GPR149: variants seen among roughly 807,000 people sequenced by gnomAD.
GPR149 encodes probable G protein-coupled receptor 149.
Under a neutral mutation model 50.2 loss-of-function variants are expected in GPR149, and 50 were observed. The ratio of observed to expected loss-of-function variants is 1.00; its 90% CI spans 0.79 to 1.26. The LOEUF is 1.26. GPR149 is among the 50% of genes most tolerant of loss of function. GPR149 has a pLI of 0.00. For synonymous variants in GPR149, 405 were observed against 358.2 expected (o/e 1.13, Z -1.48); for missense variants, 983 against 895.4 (o/e 1.10, Z -1.25).
intron 3 of GPR149, among the ~76,000 whole-genome samples, chr3:154,357,123 A>G (rs1714253900): frequency 6.6e-6 from 1 of 152,238 alleles, no homozygotes; most frequent in South Asian, 2.1e-4. Flanking sequence ...AAAACTGGCT[A>G]GCCCTATGTA....
intron 1 of GPR149, 102 bp downstream of exon 1, chr3:154,428,531 CTG>C (rs2108433409): frequency 7.9e-7 from 1 of 1,271,132 alleles, no homozygotes; most frequent in South Asian, 1.4e-5. Flanking sequence ...GCGGACTTCA[CTG>C]TGTGTCTCTT....
intron 3 of GPR149, among the ~76,000 whole-genome samples, chr3:154,384,216 G>A (rs1053137387): frequency 5.9e-5 from 9 of 152,000 alleles, no homozygotes; most frequent in African/African-American, 1.9e-4. Flanking sequence ...TAAAGCCTCG[G>A]GTGAGATCTT....
At chr3:154,376,839 A>G (rs1003338744) in intron 3 of GPR149, among the ~76,000 whole-genome samples, 1 of 152,204 alleles carries the variant, frequency 6.6e-6, no homozygotes. Flanking sequence ...TTACCATTTT[A>G]CAGATGGATG....
chr3:154,371,875 T>A (rs1358091310), intron 3 of GPR149, among the ~76,000 whole-genome samples: 5 of 152,200 alleles, frequency 3.3e-5, no homozygotes, highest in Non-Finnish European at 7.4e-5. Context: ...CTTGCATTTT[T>A]AACCTCCTTG....
At chr3:154,407,573 T>G (rs1373741498) in intron 3 of GPR149, among the ~76,000 whole-genome samples, 1 of 152,020 alleles carries the variant, frequency 6.6e-6, no homozygotes. Flanking sequence ...TGATTGGAAT[T>G]GGAGGTATCA....
chr3:154,396,736 T>A (rs1327015020), intron 3 of GPR149, among the ~76,000 whole-genome samples: 1 of 151,964 alleles, frequency 6.6e-6, no homozygotes, highest in Non-Finnish European at 1.5e-5. Flanking sequence ...TAGGTGCGAG[T>A]TCCTATTGCT....
At chr3:154,375,007 G>C (rs1282743738) in intron 3 of GPR149, among the ~76,000 whole-genome samples, 2 of 152,188 alleles carry the variant, frequency 1.3e-5, no homozygotes, top group Admixed American at 1.3e-4. Flanking sequence ...GCAGAGGTTT[G>C]TTCCTGAAAA....
chr3:154,337,843 A>G lies in GPR149; in HGVS notation c.2052T>C (p.Asp684=). The G allele has an allele frequency of 6.2e-7, 1 of 1,614,096 alleles. No homozygotes were observed. The highest frequency in any genetic ancestry group is 8.5e-7 in the Non-Finnish European group (1 of 1,179,986). ...CTGTGTCTGGAATGGAGATATTAAT[A>G]TCACCATCAGGATTACTGGTGGGCA... ...LFLPTSNPDG[D]INISIPDTVE... Residue 684 remains aspartate, a synonymous_variant, in exon 4 of 4, where the codon GAT becomes GAC. Coordinates refer to ENST00000389740, the MANE Select transcript of GPR149 (RefSeq NM_001038705.3).
At chr3:154,366,671 T>C (rs978919896) in intron 3 of GPR149, among the ~76,000 whole-genome samples, 1 of 152,212 alleles carries the variant, frequency 6.6e-6, no homozygotes, top group Non-Finnish European at 1.5e-5. Flanking sequence ...TTTCAACCAA[T>C]TGCCAGTCAG....
chr3:154,355,110 C>A (rs535106696), intron 3 of GPR149, among the ~76,000 whole-genome samples: 10 of 152,300 alleles, frequency 6.6e-5, no homozygotes, highest in African/African-American at 2.4e-4. Context: ...TCACTGCAAC[C>A]TCTGCCTCCT....
intron 3 of GPR149, among the ~76,000 whole-genome samples, chr3:154,397,969 G>T (rs984646729): frequency 6.6e-6 from 1 of 151,960 alleles, no homozygotes; most frequent in Admixed American, 6.6e-5. Flanking sequence ...GTGAGAATCA[G>T]GTAGTTGTAT....
chr3:154,389,893 C>G (rs1200616322), intron 3 of GPR149, among the ~76,000 whole-genome samples: 1 of 152,206 alleles, frequency 6.6e-6, no homozygotes, highest in African/African-American at 2.4e-5. Context: ...AGGAAAAATC[C>G]TTAGCTCCAG....
chr3:154,337,923 C>T lies in GPR149; in HGVS notation c.1972G>A (p.Glu658Lys), dbSNP rs774263365. The T allele has an allele frequency of 6.2e-7, 1 of 1,612,694 alleles. No homozygotes were observed. Among genetic ancestry groups the T allele is most frequent in the Non-Finnish European group, 8.5e-7 (1 of 1,179,284 alleles). The part of the protein sequence containing the change: ...RSPSLRYSRK[E>K]NRFVSCDLGE... ...AGGTCACATGAAACAAATCTGTTTT[C>T]TTTCCTGGAGTAACGTAGGGATGGA... is the stretch of plus-strand genomic sequence containing the variant. Residue 658 changes from glutamate to lysine, a missense_variant, in exon 4 of 4, where the codon GAA (glutamate) becomes AAA (lysine). Glu to Lys is a moderately conservative substitution (Grantham distance 56). Transcript: ENST00000389740.
At chr3:154,406,939 G>C (rs577479486) in intron 3 of GPR149, among the ~76,000 whole-genome samples, 1 of 152,298 alleles carries the variant, frequency 6.6e-6, no homozygotes, top group East Asian at 1.9e-4. Flanking sequence ...GGCTGGGAAG[G>C]CCTCACAATC....
chr3:154,340,216 A>G (rs916791063), intron 3 of GPR149, among the ~76,000 whole-genome samples: 2 of 152,114 alleles, frequency 1.3e-5, no homozygotes, highest in African/African-American at 4.8e-5. Context: ...TCATAAGGAG[A>G]CCTAGGAACC....
rs563563085 is a variant in GPR149, at chr3:154,409,904, A to C, written c.1623+11135T>G. ...AATACCTGGGAAATTCACTGCAAAA[A>C]GATCATCTCCTAGGAACATAGTCAT... On this transcript the variant is annotated intron_variant, in intron 3 of 3. Coordinates refer to ENST00000389740, the MANE Select transcript of GPR149 (RefSeq NM_001038705.3). Among the ~76,000 whole-genome samples, 7 of 152,334 alleles carry C rather than the reference A, an allele frequency of 4.6e-5. No individual in the cohort carries two copies. In the East Asian group the frequency reaches 1.4e-3, roughly 29 times the overall value.
At chr3:154,413,643 T>TA (rs35582545) in intron 3 of GPR149, among the ~76,000 whole-genome samples, 128,063 of 148,166 alleles carry the variant, frequency 0.86, 55,727 homozygotes, top group Middle Eastern at 0.97. Context: ...GATTATAAAA[T>TA]AAAAAAAAAA....
intron 3 of GPR149, among the ~76,000 whole-genome samples, chr3:154,351,595 A>G (rs1165138905): frequency 6.6e-6 from 1 of 152,174 alleles, no homozygotes; most frequent in East Asian, 1.9e-4. Flanking sequence ...CAGGGAGTCT[A>G]TTGTTGAACC....
intron 3 of GPR149, among the ~76,000 whole-genome samples, chr3:154,361,853 T>C (rs1339421186): frequency 6.6e-6 from 1 of 152,210 alleles, no homozygotes; most frequent in African/African-American, 2.4e-5. Flanking sequence ...TGTTTACAAA[T>C]GCCAGTCTTA....
Sources: gnomAD v4.1 joint callset for allele counts (sites outside exome capture counted in the v4.1 genomes callset) on GRCh38, gnomAD v4.1.1 for gene constraint, MANE v1.5 for transcripts, NCBI Gene and HGNC (gene_info 2026-07-23, HGNC 2026-07-21) for gene names.